Variants in ADAMTSL3 observed in about 807,000 individuals in gnomAD.
ADAMTSL3 encodes ADAMTS like 3.
ADAMTSL3 carries 128 observed loss-of-function variants against 201.7 expected under a neutral mutation model. The ratio of observed to expected loss-of-function variants is 0.63; its 90% confidence interval spans 0.55 to 0.73. The LOEUF (loss-of-function observed/expected upper bound fraction) is 0.73. Ranked by LOEUF, ADAMTSL3 falls within the 30% of genes least tolerant of loss-of-function variation. The pLI is 0.00. For missense variants in ADAMTSL3, 1,990 were observed against 2,119.6 expected, an observed-to-expected ratio of 0.94 and a Z score of 1.20; for synonymous variants, 738 against 748.4, an observed-to-expected ratio of 0.99 and a Z score of 0.23.
intron 4 of ADAMTSL3, among the ~76,000 whole-genome samples, chr15:83,783,980 A>G (rs1268957028): frequency 6.6e-6 from 1 of 152,040 alleles, no homozygotes; most frequent in African/African-American, 2.4e-5. Flanking sequence ...TCTTCTGCCT[A>G]AAGAGTTGCT....
intron 3 of ADAMTSL3, among the ~76,000 whole-genome samples, chr15:83,749,005 G>A (rs974651793): frequency 6.6e-6 from 1 of 152,170 alleles, no homozygotes; most frequent in Non-Finnish European, 1.5e-5. Context: ...AGAGAATGAA[G>A]CAGGATGAGC....
intron 7 of ADAMTSL3, among the ~76,000 whole-genome samples, chr15:83,840,015 CA>C (rs1201862415): frequency 6.6e-6 from 1 of 152,000 alleles, no homozygotes; most frequent in Admixed American, 6.6e-5. Context: ...TGGCTGATAG[CA>C]AAACCCCTTG....
At chr15:83,992,709 C>T (rs967364920) in intron 23 of ADAMTSL3, among the ~76,000 whole-genome samples, 3 of 152,220 alleles carry the variant, frequency 2.0e-5, no homozygotes, top group Non-Finnish European at 2.9e-5. Flanking sequence ...TATTTGCTAT[C>T]GGAAGTCAAA....
In ADAMTSL3 at chr15:83,936,715, G is replaced by C. The variant is rs1160239920; in HGVS notation, c.2118-5881G>C. 2.0e-5 allele frequency among the ~76,000 whole-genome samples: 3 copies of C among 150,992 alleles called. 1 individual carries two copies. The highest frequency in any genetic ancestry group is 7.4e-5 in the African/African-American group (3 of 40,400). The stretch of plus-strand genomic sequence containing the variant: ...TGCACAGCAAAAGAAACTATCAACA[G>C]AGTAAATAGCCAACCTACAGAATCA... On this transcript the variant is annotated intron_variant, in intron 17 of 29. Transcript: ENST00000286744.
At chr15:83,771,335 G>A (rs566715203) in intron 3 of ADAMTSL3, among the ~76,000 whole-genome samples, 34 of 152,082 alleles carry the variant, frequency 2.2e-4, no homozygotes, top group Admixed American at 8.5e-4. Flanking sequence ...ATTTAGAAGC[G>A]TATAGTACAG....
intron 19 of ADAMTSL3, among the ~76,000 whole-genome samples, chr15:83,944,661 G>A (rs1442691021): frequency 6.6e-6 from 1 of 152,192 alleles, no homozygotes; most frequent in Non-Finnish European, 1.5e-5. Context: ...CCAGGCCTGT[G>A]TGACCCAAAA....
At chr15:83,913,895 G>T (rs1471059135) in intron 16 of ADAMTSL3, among the ~76,000 whole-genome samples, 1 of 152,308 alleles carries the variant, frequency 6.6e-6, no homozygotes, top group Non-Finnish European at 1.5e-5. Context: ...TTAGAAAGTG[G>T]TTGTATAGCC....
chr15:83,835,884 C>T (rs1232921553), intron 6 of ADAMTSL3, among the ~76,000 whole-genome samples: 1 of 152,162 alleles, frequency 6.6e-6, no homozygotes, highest in Admixed American at 6.5e-5. Flanking sequence ...GATTCTGAGT[C>T]AGATAACTTG....
chr15:83,793,726 C>G (rs1389569240), intron 4 of ADAMTSL3, among the ~76,000 whole-genome samples: 1 of 152,122 alleles, frequency 6.6e-6, no homozygotes, highest in African/African-American at 2.4e-5. Context: ...ATCTGCCTGC[C>G]TCAGCCTCCC....
At position 83,884,806 on chromosome 15, in the gene ADAMTSL3, G is replaced by A. The variant is rs10220741; in HGVS notation, c.961-295G>A. Among the ~76,000 whole-genome samples, 134,995 of 152,226 alleles carry A rather than the reference G, an allele frequency of 0.89. 60,154 individuals are homozygous for A. The highest frequency in any genetic ancestry group is 0.97 in the African/African-American group (40,307 of 41,548). Reference sequence around the variant, plus strand: ...CCAATGTTTCAGGAAGAAAGACAGTGTGAAACGAACAAACAAAAAAGTCTA... The same window carrying A: ...CCAATGTTTCAGGAAGAAAGACAGTATGAAACGAACAAACAAAAAAGTCTA... On this transcript the variant is annotated intron_variant, in intron 9 of 29. Transcript: ENST00000286744.
chr15:83,930,207 C>T (rs904899069), intron 17 of ADAMTSL3, among the ~76,000 whole-genome samples: 4 of 152,094 alleles, frequency 2.6e-5, no homozygotes, highest in Non-Finnish European at 4.4e-5. Context: ...TTATGATCAC[C>T]GAGGTCCCCT....
intron 17 of ADAMTSL3, among the ~76,000 whole-genome samples, chr15:83,929,254 A>G (rs1210614940): frequency 6.6e-6 from 1 of 152,214 alleles, no homozygotes; most frequent in Non-Finnish European, 1.5e-5. Context: ...CTTAAAGAAC[A>G]GAAATTTATC....
chr15:83,994,390 A>G (rs772901237), intron 23 of ADAMTSL3, among the ~76,000 whole-genome samples: 13 of 152,334 alleles, frequency 8.5e-5, no homozygotes, highest in Non-Finnish European at 1.8e-4. Context: ...CTCTTAAACA[A>G]TAAATGCAGA....
intron 23 of ADAMTSL3, among the ~76,000 whole-genome samples, chr15:83,998,840 A>G (rs2067737918): frequency 6.6e-6 from 1 of 152,236 alleles, no homozygotes; most frequent in Non-Finnish European, 1.5e-5. Flanking sequence ...AGAATTAAAT[A>G]TGGAAGGACC....
rs553243710 is a variant in ADAMTSL3, at chr15:83,786,413, A to T, written c.317+12763A>T. On this transcript the variant is annotated intron_variant, in intron 4 of 29. Coordinates refer to ENST00000286744, the MANE Select transcript of ADAMTSL3 (RefSeq NM_207517.3). The stretch of plus-strand genomic sequence containing the variant: ...ATAATCACAGCAAAGTAAATGGGGT[A>T]TTCGTCCCTTTAAGGATTTATCATT... Among the ~76,000 whole-genome samples the T allele has an allele frequency of 1.2e-4, 18 of 152,322 alleles. 1 individual carries two copies. In the South Asian group the frequency reaches 3.7e-3, roughly 32 times the overall value.
At chr15:83,883,139 T>TTTTTA (rs2065308740) in intron 9 of ADAMTSL3, among the ~76,000 whole-genome samples, 1 of 149,954 alleles carries the variant, frequency 6.7e-6, no homozygotes, top group African/African-American at 2.4e-5. Context: ...TATAATACTA[T>TTTTTA]TTCTATTTTA....
chr15:83,996,882 C>T (rs921461696), intron 23 of ADAMTSL3, among the ~76,000 whole-genome samples: 1 of 149,154 alleles, frequency 6.7e-6, no homozygotes, highest in African/African-American at 2.5e-5. Flanking sequence ...AAAATGTTCT[C>T]ATTTCCACAC....
intron 16 of ADAMTSL3, among the ~76,000 whole-genome samples, chr15:83,921,083 TGTAAGC>T (rs1186027320): frequency 2.6e-5 from 4 of 152,236 alleles, no homozygotes; most frequent in Non-Finnish European, 5.9e-5. Flanking sequence ...CTGAAGTGGC[TGTAAGC>T]CTCCCTGTTC....
chr15:83,804,882 A>G (rs975680657), intron 5 of ADAMTSL3, among the ~76,000 whole-genome samples, 187 bp downstream of exon 5: 20 of 152,334 alleles, frequency 1.3e-4, no homozygotes, highest in African/African-American at 2.6e-4. Context: ...TTAAGGCCAT[A>G]TCACATTCAT....
Sources: gnomAD v4.1 joint callset for allele counts (sites outside exome capture counted in the v4.1 genomes callset) on GRCh38, gnomAD v4.1.1 for gene constraint, MANE v1.5 for transcripts, NCBI Gene and HGNC (gene_info 2026-07-23, HGNC 2026-07-21) for gene names.